The following RNF217 variants were observed in gnomAD, a reference collection of about 807,000 sequenced individuals.
RNF217 encodes E3 ubiquitin-protein ligase RNF217.
RNF217 carries 31 observed loss-of-function variants against 57.8 expected under a neutral mutation model. The observed-to-expected ratio is 0.54, with a 90% CI of 0.40 to 0.72. The LOEUF (loss-of-function observed/expected upper bound fraction) is 0.72. Among genes scored for constraint, RNF217 ranks in the 30% least tolerant of loss-of-function variants. The probability of loss-of-function intolerance (pLI) is 0.00; values close to 1 mark genes in which losing one functional copy is unlikely to be tolerated. For synonymous variants in RNF217, 313 were observed against 294.0 expected, an observed-to-expected ratio of 1.06 and a Z score of -0.66; for missense variants, 696 against 708.3, an observed-to-expected ratio of 0.98 and a Z score of 0.20.
At chr6:125,009,026 C>A (rs1214457957) in intron 1 of RNF217, 1 of 372,002 alleles carries the variant, frequency 2.7e-6, no homozygotes, top group East Asian at 4.0e-5. Context: ...TAATTTTATA[C>A]CTCATTACAT....
At position 125,090,889 on chromosome 6, in the gene RNF217, A is replaced by G. The variant is rs1562505835; in HGVS notation, c.*7952A>G. On this transcript the variant is annotated 3_prime_UTR_variant, in exon 6 of 6. Transcript: ENST00000521654. ...TATACTATTAACTTTGATAATCACAAAACTATGTGGAAGAAATCATTCTGA... is the reference window on the plus strand; with the variant it reads ...TATACTATTAACTTTGATAATCACAGAACTATGTGGAAGAAATCATTCTGA... 2 of 152,002 alleles carry G rather than the reference A, an allele frequency of 1.3e-5. No individual in the cohort carries two copies. The highest frequency in any genetic ancestry group is 6.5e-5 in the Admixed American group (1 of 15,274). 9.4% of individuals were successfully genotyped at this position (152,002 alleles called of 1,614,324 possible). A position where few individuals can be genotyped will look rare whatever the true frequency, so the allele number is the denominator to read the frequency against.
intron 1 of RNF217, among the ~76,000 whole-genome samples, chr6:125,033,370 G>A (rs1216331464): frequency 8.2e-6 from 1 of 121,930 alleles, no homozygotes; most frequent in Non-Finnish European, 1.6e-5. Flanking sequence ...ACAGTCCCCA[G>A]AGTGTGATGT....
In RNF217 at chr6:125,045,461, G is replaced by C. The variant is rs755009607; in HGVS notation, c.1116+17G>C. 3 of 1,593,724 alleles carry C rather than the reference G, an allele frequency of 1.9e-6. No individual in the cohort carries two copies. The highest frequency in any genetic ancestry group is 2.6e-6 in the Non-Finnish European group (3 of 1,164,416). ...AAATACAAAGTAAGCATTTTCACCA[G>C]AGCTGTGGGTTAGATGTCACATGGC... On this transcript the variant is annotated intron_variant, in intron 2 of 5. Coordinates refer to ENST00000521654, the MANE Select transcript of RNF217 (RefSeq NM_001286398.3).
chr6:124,963,011 C>T lies in RNF217; in HGVS notation c.467C>T (p.Ser156Phe). 6.3e-7 allele frequency: 1 copy of T among 1,595,218 alleles called. No homozygotes were observed. The highest frequency in any genetic ancestry group is 8.5e-7 in the Non-Finnish European group (1 of 1,178,498). The change falls in exon 1 of 6, where the codon TCC becomes TTC. Residue 156 changes from serine to phenylalanine, a missense_variant. By Grantham distance (155) the Ser-to-Phe change is radical. Around this residue, in one of 2 missense-constraint regions of RNF217, gnomAD observed 465 missense variants for 386.8 expected, o/e 1.20. Transcript: ENST00000521654. ...GACGTGCTGGGTCAGCGGCGCCCGT[C>T]CCTCGCCAAGAGACAAGTCTTCTGC... is the stretch of plus-strand genomic sequence containing the variant. ...VLDVLGQRRP[S>F]LAKRQVFCSV... is the part of the protein sequence containing the mutation.
At chr6:125,012,012 A>G (rs1019674295) in intron 1 of RNF217, among the ~76,000 whole-genome samples, 1 of 152,120 alleles carries the variant, frequency 6.6e-6, no homozygotes. Context: ...TTTTAAAAGG[A>G]TACTCATTGA....
chr6:125,074,302 T>TAGAC (rs1312650842), intron 3 of RNF217, among the ~76,000 whole-genome samples: 22 of 28,554 alleles, frequency 7.7e-4, no homozygotes, highest in Non-Finnish European at 1.1e-3. Context: ...GATAGGTAGA[T>TAGAC]AGATAGATAG....
chr6:124,975,012 C>T lies in RNF217; in HGVS notation c.882+11586C>T, dbSNP rs138764964. On this transcript the variant is annotated intron_variant, in intron 1 of 5. Transcript: ENST00000521654. ...CAGGTAACTAAATTCTGGGCTTTTT[C>T]ATTCATGTGAATGACTAATCCCTTT... Among the ~76,000 whole-genome samples the T allele has an allele frequency of 2.2e-3, 332 of 152,310 alleles. 2 individuals carry two copies. Among genetic ancestry groups the T allele is most frequent in the African/African-American group, 7.3e-3 (304 of 41,576 alleles).
chr6:124,962,670 G>T lies in RNF217; in HGVS notation c.126G>T (p.Pro42=), dbSNP rs1351412710. The T allele has an allele frequency of 2.2e-6, 3 of 1,340,224 alleles. No homozygotes were observed. Among genetic ancestry groups the T allele is most frequent in the Non-Finnish European group, 2.8e-6 (3 of 1,056,958 alleles). The allele number at this position is 1,340,224 out of a possible 1,614,324, so 83.0% of individuals were successfully genotyped here. A position where few individuals can be genotyped will look rare whatever the true frequency, so the allele number is the denominator to read the frequency against. ...AGGGGGACAGCGCCCGGGCGCCCCC[G>T]CTGCGCGCCGCCTCCGCGGAGCCGA... is the stretch of plus-strand genomic sequence containing the variant. ...RPQGDSARAP[P]LRAASAEPSG... The change falls in exon 1 of 6, where the codon CCG becomes CCT. Residue 42 remains proline (P), a synonymous_variant. Coordinates refer to ENST00000521654, the MANE Select transcript of RNF217 (RefSeq NM_001286398.3). The surrounding 1 kb of genome is among the most constrained non-coding windows in gnomAD (Gnocchi z 4.6).
chr6:125,080,859 G>T (rs578048593), intron 4 of RNF217, among the ~76,000 whole-genome samples: 17 of 152,090 alleles, frequency 1.1e-4, no homozygotes, highest in African/African-American at 3.9e-4. Flanking sequence ...AACTTTCAAC[G>T]TACTAGGTAT....
intron 1 of RNF217, among the ~76,000 whole-genome samples, chr6:125,011,415 A>G (rs1785410456): frequency 1.3e-5 from 2 of 152,138 alleles, no homozygotes; most frequent in Non-Finnish European, 2.9e-5. Flanking sequence ...AGGATAGACA[A>G]TCACTTATTG....
chr6:124,963,898 G>A (rs12194694), intron 1 of RNF217, among the ~76,000 whole-genome samples: 37 of 152,218 alleles, frequency 2.4e-4, no homozygotes, highest in Non-Finnish European at 5.1e-4. Context: ...AGGAAAGAGT[G>A]AATGTTTAAA....
At chr6:124,966,715 A>T (rs1430663986) in intron 1 of RNF217, among the ~76,000 whole-genome samples, 1 of 152,206 alleles carries the variant, frequency 6.6e-6, no homozygotes. Flanking sequence ...GTAAAAGGAG[A>T]TGCACAGTTC....
chr6:124,973,234 A>G (rs75121814), intron 1 of RNF217, among the ~76,000 whole-genome samples: 2,007 of 152,240 alleles, frequency 0.013, 39 homozygotes, highest in African/African-American at 0.046. Flanking sequence ...CATCCTCTTC[A>G]GTCCCTTCTT....
chr6:125,045,986 A>G (rs1787083262), intron 2 of RNF217, among the ~76,000 whole-genome samples: 1 of 152,068 alleles, frequency 6.6e-6, no homozygotes, highest in Non-Finnish European at 1.5e-5. Context: ...TCTAAAAATG[A>G]CAGTCCAATA....
chr6:125,067,114 G>A (rs988740239), intron 3 of RNF217, among the ~76,000 whole-genome samples: 4 of 152,172 alleles, frequency 2.6e-5, no homozygotes, highest in Non-Finnish European at 5.9e-5. Flanking sequence ...ATCCAGAAGA[G>A]GGAGATTACA....
rs115035779 is a variant in RNF217, at chr6:125,081,733, C to G, written c.1555+226C>G. Among the ~76,000 whole-genome samples the G allele has an allele frequency of 6.8e-3, 1,034 of 152,108 alleles. 16 individuals carry two copies. Among genetic ancestry groups the G allele is most frequent in the African/African-American group, 0.023 (940 of 41,518 alleles). Reference sequence around the variant, plus strand: ...TCTATGAACACTGTGATTCATGTACCTTATAAAGCATTATTAACCCTTTTA... The same window carrying G: ...TCTATGAACACTGTGATTCATGTACGTTATAAAGCATTATTAACCCTTTTA... On this transcript the variant is annotated intron_variant, in intron 5 of 5. Coordinates refer to ENST00000521654, the MANE Select transcript of RNF217 (RefSeq NM_001286398.3).
intron 1 of RNF217, among the ~76,000 whole-genome samples, chr6:124,976,591 A>T (rs192058606): frequency 7.7e-5 from 11 of 142,414 alleles, no homozygotes; most frequent in African/African-American, 2.7e-4. Context: ...TTTTAGATAG[A>T]TTCTTCATAG....
intron 2 of RNF217, among the ~76,000 whole-genome samples, chr6:125,053,351 A>T (rs1787397970): frequency 6.6e-6 from 1 of 152,128 alleles, no homozygotes; most frequent in African/African-American, 2.4e-5. Context: ...GTGCCCAATA[A>T]ATATGTGTTG....
At chr6:125,041,895 G>A (rs899438526) in intron 1 of RNF217, among the ~76,000 whole-genome samples, 5 of 151,178 alleles carry the variant, frequency 3.3e-5, no homozygotes, top group African/African-American at 7.3e-5. Context: ...TGCAGTATTC[G>A]GTTATGCACC....
Sources: allele counts gnomAD v4.1 joint callset (sites outside exome capture counted in the v4.1 genomes callset), GRCh38; gene constraint gnomAD v4.1.1; regional missense constraint gnomAD v4.1.1; non-coding constraint Gnocchi (gnomAD v3.1); transcripts MANE v1.5; gene names NCBI Gene and HGNC (gene_info 2026-07-23, HGNC 2026-07-21).